SLC7A8: variants seen among roughly 807,000 people sequenced by gnomAD.
The protein encoded by SLC7A8 is solute carrier family 7 member 8, also known as large neutral amino acids transporter small subunit 2.
A neutral mutation model predicts 51.2 loss-of-function variants in SLC7A8; 30 were observed. That is an observed-to-expected ratio of 0.59 (90% confidence interval 0.44 to 0.80). The LOEUF (loss-of-function observed/expected upper bound fraction) is 0.80, where lower values mean the gene tolerates loss of function less well. Among genes scored for constraint, SLC7A8 ranks in the 30% least tolerant of loss-of-function variants. SLC7A8 has a pLI of 0.00. For missense variants in SLC7A8, 612 were observed against 674.4 expected (o/e 0.91, Z 1.03); for synonymous variants, 257 against 275.8 (o/e 0.93, Z 0.67).
intron 3 of SLC7A8, among the ~76,000 whole-genome samples, chr14:23,150,306 G>A (rs904300808): frequency 2.0e-5 from 3 of 152,208 alleles, no homozygotes; most frequent in African/African-American, 7.2e-5. Context: ...AGTGAAGGAT[G>A]ATGTGGGTTT....
chr14:23,147,044 T>C (rs1003266309), intron 3 of SLC7A8: 2 of 150,380 alleles, frequency 1.3e-5, no homozygotes, highest in Non-Finnish European at 3.0e-5. Context: ...TGAGGATCAT[T>C]GGCCATAGCA....
At chr14:23,145,458 C>T (rs1329082315) in intron 3 of SLC7A8, among the ~76,000 whole-genome samples, 2 of 145,468 alleles carry the variant, frequency 1.4e-5, no homozygotes, top group Non-Finnish European at 3.0e-5. Flanking sequence ...ACCCGGGAGG[C>T]GGAGGTTGCA....
At chr14:23,153,679 G>A (rs753170730) in intron 3 of SLC7A8, among the ~76,000 whole-genome samples, 1 of 152,018 alleles carries the variant, frequency 6.6e-6, no homozygotes, top group Non-Finnish European at 1.5e-5. Context: ...CTCCACCTTG[G>A]GTCCCCTCCC....
At chr14:23,158,017 G>A (rs907980896) in intron 3 of SLC7A8, among the ~76,000 whole-genome samples, 2 of 152,214 alleles carry the variant, frequency 1.3e-5, no homozygotes, top group East Asian at 1.9e-4. Context: ...TATTACCCGC[G>A]GCATCAATAG....
chr14:23,127,228 G>A lies in SLC7A8; in HGVS notation c.1557C>T (p.Tyr519=), dbSNP rs756295516. Residue 519 remains tyrosine (Y), a synonymous_variant, in exon 11 of 11, where the codon TAC becomes TAT. Transcript: ENST00000316902. ...CCTTGTCCTTCGTGGGAGTGGGTTGGTACATGGGCTGCTGCTGCTCCTCCA... is the reference window on the plus strand; with the variant it reads ...CCTTGTCCTTCGTGGGAGTGGGTTGATACATGGGCTGCTGCTGCTCCTCCA... ...EDMEEQQQPM[Y]QPTPTKDKDV... The A allele has an allele frequency of 1.2e-5, 19 of 1,614,020 alleles. No homozygotes were observed. Among genetic ancestry groups the A allele is most frequent in the Non-Finnish European group, 1.4e-5 (17 of 1,180,002 alleles).
intron 3 of SLC7A8, among the ~76,000 whole-genome samples, chr14:23,147,918 CT>C (rs767693611): frequency 1.2e-4 from 18 of 152,228 alleles, no homozygotes; most frequent in Middle Eastern, 3.2e-3. Flanking sequence ...TCAATGCTTT[CT>C]GCAGGACTGG....
Position 23,165,433 on chromosome 14 carries a change from G to A in SLC7A8, c.360C>T (p.Phe120=), listed in dbSNP as rs1169364159. 1 of 1,583,834 alleles carries A rather than the reference G, an allele frequency of 6.3e-7. No individual in the cohort carries two copies. Among genetic ancestry groups the A allele is most frequent in the Admixed American group, 1.8e-5 (1 of 55,194 alleles). ...VKDIFGGLAG[F]LRLWIAVLVI... is the part of the protein sequence containing the mutation. ...CCAGCACAGCAATCCACAGCCTCAG[G>A]AACCTGAAGGAGGAAAGGGACATCC... The change falls in exon 3 of 11, where the codon TTC becomes TTT. Residue 120 remains phenylalanine, a synonymous_variant. Transcript: ENST00000316902. This position sits in a 1 kb window ranked among gnomAD's most constrained non-coding sequence, Gnocchi z 4.2.
intron 4 of SLC7A8, among the ~76,000 whole-genome samples, chr14:23,141,548 T>C (rs12881648): frequency 0.94 from 142,465 of 152,232 alleles, 67,440 homozygotes; most frequent in East Asian, 1. Context: ...CTCCCAGGTT[T>C]AAGTGATTCT....
chr14:23,137,565 C>T (rs1566358940), intron 7 of SLC7A8, among the ~76,000 whole-genome samples: 2 of 152,312 alleles, frequency 1.3e-5, no homozygotes, highest in South Asian at 4.1e-4. Flanking sequence ...TTTACAGGTA[C>T]AGGACTGCAG....
At chr14:23,152,861 C>A (rs973064665) in intron 3 of SLC7A8, among the ~76,000 whole-genome samples, 8 of 152,138 alleles carry the variant, frequency 5.3e-5, no homozygotes, top group Non-Finnish European at 7.4e-5. Flanking sequence ...TTCTACTAAG[C>A]CAGCTGCCAC....
intron 1 of SLC7A8, among the ~76,000 whole-genome samples, chr14:23,170,664 G>GT (rs1410720905): frequency 6.6e-6 from 1 of 152,022 alleles, no homozygotes; most frequent in African/African-American, 2.4e-5. Flanking sequence ...TCACCATGTT[G>GT]GCCAGGCTGG....
chr14:23,150,334 C>T (rs568759217), intron 3 of SLC7A8, among the ~76,000 whole-genome samples: 5 of 152,088 alleles, frequency 3.3e-5, no homozygotes, highest in East Asian at 1.9e-4. Context: ...CTTTTTCGGG[C>T]GTGGAACAAG....
At chr14:23,150,065 T>C (rs1399324722) in intron 3 of SLC7A8, among the ~76,000 whole-genome samples, 2 of 152,234 alleles carry the variant, frequency 1.3e-5, no homozygotes, top group East Asian at 1.9e-4. Flanking sequence ...AAGCAATGCA[T>C]GACAGTATTA....
chr14:23,165,415 A>G lies in SLC7A8; in HGVS notation c.378T>C (p.Ala126=), dbSNP rs2048944519. The G allele has an allele frequency of 6.3e-7, 1 of 1,592,612 alleles. No individual in the cohort carries two copies. Among genetic ancestry groups the G allele is most frequent in the Non-Finnish European group, 8.5e-7 (1 of 1,171,502 alleles). Residue 126 remains alanine, a synonymous_variant, in exon 3 of 11, where the codon GCT becomes GCC. Coordinates refer to ENST00000316902, the MANE Select transcript of SLC7A8 (RefSeq NM_012244.4). This position sits in a 1 kb window ranked among gnomAD's most constrained non-coding sequence, Gnocchi z 4.2. ...GGTTGGTGGGGTAGATCACCAGCAC[A>G]GCAATCCACAGCCTCAGGAACCTGA... The part of the protein sequence containing the change: ...GLAGFLRLWI[A]VLVIYPTNQA...
chr14:23,131,876 A>C (rs1594816654), intron 7 of SLC7A8, among the ~76,000 whole-genome samples: 1 of 152,210 alleles, frequency 6.6e-6, no homozygotes, highest in East Asian at 1.9e-4. Context: ...AGGCTGCAGG[A>C]GCAGCCTCTG....
chr14:23,142,365 A>G (rs1261196350), intron 4 of SLC7A8, among the ~76,000 whole-genome samples: 1 of 152,244 alleles, frequency 6.6e-6, no homozygotes, highest in Non-Finnish European at 1.5e-5. Flanking sequence ...CTCAGAGATT[A>G]TAAGTAATTT....
intron 9 of SLC7A8, 112 bp downstream of exon 9, chr14:23,129,538 T>G: frequency 2.4e-6 from 3 of 1,273,902 alleles, no homozygotes; most frequent in East Asian, 2.3e-5. Context: ...TCTGCTACCA[T>G]CAGAGATGAT....
intron 1 of SLC7A8, among the ~76,000 whole-genome samples, chr14:23,180,486 G>C (rs1293345287): frequency 6.6e-6 from 1 of 152,216 alleles, no homozygotes; most frequent in African/African-American, 2.4e-5. Flanking sequence ...GTAGAATAGT[G>C]CCTATTAACT....
intron 3 of SLC7A8, among the ~76,000 whole-genome samples, chr14:23,151,725 G>C (rs2048848605): frequency 1.4e-5 from 2 of 142,660 alleles, no homozygotes. Context: ...GCCATTGCAT[G>C]CTGGCCTGGG....
Sources: gnomAD v4.1 joint callset for allele counts (sites outside exome capture counted in the v4.1 genomes callset) on GRCh38, gnomAD v4.1.1 for gene constraint, Gnocchi (gnomAD v3.1) non-coding constraint, MANE v1.5 for transcripts, NCBI Gene and HGNC (gene_info 2026-07-23, HGNC 2026-07-21) for gene names.